STK3: variants seen among roughly 807,000 people sequenced by gnomAD.
The protein encoded by STK3 is serine/threonine kinase 3.
A neutral mutation model predicts 58.0 loss-of-function variants in STK3; 41 were observed. The ratio of observed to expected loss-of-function variants is 0.71; its 90% CI spans 0.55 to 0.92. STK3 has a LOEUF of 0.92. Ranked by LOEUF, STK3 falls within the 40% of genes least tolerant of loss-of-function variation. The probability of loss-of-function intolerance (pLI) is 0.00; values close to 1 mark genes in which losing one functional copy is unlikely to be tolerated. For missense variants in STK3, 479 were observed against 602.7 expected (o/e 0.79, Z 2.15); for synonymous variants, 170 against 191.0 (o/e 0.89, Z 0.91).
rs532102775 is a variant in STK3 at position 98,557,686 on chromosome 8, A to G, written c.949-9525T>C. On this transcript the variant is annotated intron_variant, in intron 8 of 10. Transcript: ENST00000419617. ...CAGTATCTGAAAATCTATAAAAAGA[A>G]TTAATTGTCTTCTCACTGCTGTAAG... Among the ~76,000 whole-genome samples, 20 of 152,088 alleles carry G rather than the reference A, an allele frequency of 1.3e-4. No individual in the cohort carries two copies. The South Asian group carries it at 3.5e-3, about 27-fold the overall frequency.
At chr8:98,890,982 G>GA (rs776449260) in intron 1 of STK3, among the ~76,000 whole-genome samples, 4 of 152,244 alleles carry the variant, frequency 2.6e-5, no homozygotes, top group African/African-American at 7.2e-5. Flanking sequence ...TAATTTGAAA[G>GA]ATGGTCATGA....
rs926804159 is a variant in STK3, at chr8:98,458,667, T to C, written c.1318-2667A>G. 1.3e-5 allele frequency among the ~76,000 whole-genome samples: 2 copies of C among 152,278 alleles called. 1 individual carries two copies. Among genetic ancestry groups the C allele is most frequent in the Admixed American group, 1.3e-4 (2 of 15,300 alleles). ...CACCTGGTGGGAGGTGATTGGATCA[T>C]GGGGGCAGTTTCCCTCCATGCTGTT... On this transcript the variant is annotated intron_variant, in intron 10 of 10. Transcript: ENST00000419617.
downstream of STK3, among the ~76,000 whole-genome samples, chr8:98,367,530 A>C (rs942037661): frequency 1.3e-5 from 2 of 152,222 alleles, no homozygotes; most frequent in African/African-American, 4.8e-5. Flanking sequence ...TGCTGTTCTG[A>C]AGTTCTGGAC....
At chr8:98,652,667 G>A (rs1442789902) in intron 6 of STK3, among the ~76,000 whole-genome samples, 3 of 147,974 alleles carry the variant, frequency 2.0e-5, no homozygotes, top group Non-Finnish European at 4.5e-5. Context: ...ACAAAAAAAG[G>A]CAGGGGTTGC....
At chr8:98,822,114 A>G (rs1834949199) in intron 1 of STK3, among the ~76,000 whole-genome samples, 2 of 152,196 alleles carry the variant, frequency 1.3e-5, no homozygotes, top group African/African-American at 4.8e-5. Context: ...AAAGGCATGT[A>G]TGGGAAGGAC....
At chr8:98,795,421 C>T (rs1488188007) in intron 1 of STK3, among the ~76,000 whole-genome samples, 2 of 151,058 alleles carry the variant, frequency 1.3e-5, no homozygotes, top group Non-Finnish European at 2.9e-5. Flanking sequence ...TATGACAACT[C>T]CACAGCCAAC....
chr8:98,910,662 T>C (rs1447163925), intron 1 of STK3, among the ~76,000 whole-genome samples: 1 of 152,230 alleles, frequency 6.6e-6, no homozygotes, highest in Non-Finnish European at 1.5e-5. Context: ...GCCCGCATTA[T>C]TGGATGACAT....
intron 1 of STK3, among the ~76,000 whole-genome samples, chr8:98,816,560 T>C (rs779735081): frequency 2.0e-5 from 3 of 151,864 alleles, no homozygotes; most frequent in Non-Finnish European, 4.4e-5. Flanking sequence ...AGAGACAGTG[T>C]TTCCCTCTTG....
rs535614877 is a variant in STK3 at position 98,739,371 on chromosome 8, C to T, written c.351+9905G>A. On this transcript the variant is annotated intron_variant, in intron 4 of 10. Coordinates refer to ENST00000419617, the MANE Select transcript of STK3 (RefSeq NM_006281.4). ...AGTAGGGGCAGACTGACACCTCACACGGCCGGGTACTCCTCTGAGACAAAA... is the reference window on the plus strand; with the variant it reads ...AGTAGGGGCAGACTGACACCTCACATGGCCGGGTACTCCTCTGAGACAAAA... 1.4e-4 allele frequency among the ~76,000 whole-genome samples: 21 copies of T among 152,044 alleles called. 1 individual carries two copies. The South Asian group carries it at 3.1e-3, about 23-fold the overall frequency.
At chr8:98,562,238 C>T (rs932717178) in intron 8 of STK3, among the ~76,000 whole-genome samples, 1 of 152,046 alleles carries the variant, frequency 6.6e-6, no homozygotes, top group African/African-American at 2.4e-5. Flanking sequence ...TTATTGATAA[C>T]TGCCCCAAAC....
intron 6 of STK3, among the ~76,000 whole-genome samples, chr8:98,675,765 G>A (rs1280538076): frequency 6.6e-6 from 1 of 152,074 alleles, no homozygotes; most frequent in Non-Finnish European, 1.5e-5. Context: ...TCGGGAGGCT[G>A]AGGCAGGAGA....
intron 1 of STK3, among the ~76,000 whole-genome samples, chr8:98,897,979 C>T (rs1838519739): frequency 6.6e-6 from 1 of 152,220 alleles, no homozygotes; most frequent in Non-Finnish European, 1.5e-5. Flanking sequence ...AGGAGCACTG[C>T]TAACTAGTCA....
Position 98,917,429 on chromosome 8 carries a change from G to A in STK3, c.-79+24949C>T, listed in dbSNP as rs547448228. On this transcript the variant is annotated intron_variant, in intron 1 of 1. Transcript: ENST00000519420. ...CATCTGTAATGGATTGAACGTTTGT[G>A]ACCCCCAAAAATTCATATCTTTAAA... Among the ~76,000 whole-genome samples the A allele has an allele frequency of 1.1e-4, 16 of 152,254 alleles. No homozygotes were observed. In the South Asian group the frequency reaches 3.3e-3, roughly 32 times the overall value.
intron 1 of STK3, among the ~76,000 whole-genome samples, chr8:98,923,852 T>TGCGCGCGCGCGC (rs1491328554): frequency 1.6e-5 from 2 of 128,308 alleles, no homozygotes; most frequent in Admixed American, 8.7e-5. Flanking sequence ...TGTGTGTGTG[T>TGCGCGCGCGCGC]GTGCGCGCGC....
At chr8:98,375,684 T>TA (rs1817667692) in intron 2 of STK3, among the ~76,000 whole-genome samples, 1 of 152,160 alleles carries the variant, frequency 6.6e-6, no homozygotes, top group South Asian at 2.1e-4. Context: ...TTTTTTTTTT[T>TA]ACTCAACATA....
chr8:98,654,901 C>T (rs1170483129), intron 6 of STK3, among the ~76,000 whole-genome samples: 1 of 152,050 alleles, frequency 6.6e-6, no homozygotes, highest in African/African-American at 2.4e-5. Flanking sequence ...TGAAAATGGC[C>T]ATACTGCCCA....
At chr8:98,878,263 G>GGA (rs1837635796) in intron 3 of STK3, among the ~76,000 whole-genome samples, 1 of 152,060 alleles carries the variant, frequency 6.6e-6, no homozygotes, top group South Asian at 2.1e-4. Flanking sequence ...ATGTTGGCCA[G>GGA]GCTGGTCTCG....
chr8:98,849,240 AAAAG>A (rs1192785100), intron 3 of STK3, among the ~76,000 whole-genome samples: 21 of 151,964 alleles, frequency 1.4e-4, no homozygotes, highest in African/African-American at 4.6e-4. Context: ...AAAAAAAAAA[AAAAG>A]AAATTCTTAA....
chr8:98,746,938 A>T (rs1829680174), intron 4 of STK3, among the ~76,000 whole-genome samples: 1 of 152,142 alleles, frequency 6.6e-6, no homozygotes, highest in Admixed American at 6.5e-5. Flanking sequence ...GTTACTCAGG[A>T]GGCTAAGGCT....
Sources: allele counts gnomAD v4.1 joint callset (sites outside exome capture counted in the v4.1 genomes callset), GRCh38; gene constraint gnomAD v4.1.1; transcripts MANE v1.5; gene names NCBI Gene and HGNC (gene_info 2026-07-23, HGNC 2026-07-21).